KDR: variants seen among roughly 807,000 people sequenced by gnomAD.
KDR encodes the protein kinase insert domain receptor, also known as vascular endothelial growth factor receptor 2.
Under a neutral mutation model 160.9 loss-of-function variants are expected in KDR, and 43 were observed. That is an observed-to-expected ratio of 0.27 (90% CI 0.21 to 0.34). The LOEUF is 0.34. Among genes scored for constraint, KDR ranks in the 10% least tolerant of loss-of-function variants. The pLI is 1.00. For missense variants in KDR, 1,469 were observed against 1,666.4 expected (o/e 0.88, Z 2.06); for synonymous variants, 617 against 600.1 (o/e 1.03, Z -0.41).
In KDR at chr4:55,089,426, G is replaced by A. The variant is rs373654225; in HGVS notation, c.3352C>T (p.Arg1118Ter). ...CTCATTCTAGTTCCTTCTTTCAATCGCCTACAAAATTCTTCATCAATCTTT... is the reference window on the plus strand; with the variant it reads ...CTCATTCTAGTTCCTTCTTTCAATCACCTACAAAATTCTTCATCAATCTTT... ...GVKIDEEFCR[R>*]LKEGTRMRAP... Residue 1118 changes from arginine to a stop codon, truncating the protein, a stop_gained, in exon 25 of 30, where the codon CGA becomes TGA. Transcript: ENST00000263923. LOFTEE classifies it high-confidence loss of function. 3 of 1,612,850 alleles carry A rather than the reference G, an allele frequency of 1.9e-6. No homozygotes were observed. The highest frequency in any genetic ancestry group is 2.5e-6 in the Non-Finnish European group (3 of 1,179,228).
chr4:55,111,328 C>T (rs1179127197), intron 7 of KDR, among the ~76,000 whole-genome samples: 1 of 152,166 alleles, frequency 6.6e-6, no homozygotes, highest in African/African-American at 2.4e-5. Flanking sequence ...AACACTGTTT[C>T]CCTAAATCTC....
chr4:55,092,292 A>AT (rs1264244403), intron 22 of KDR: 5 of 367,716 alleles, frequency 1.4e-5, no homozygotes, highest in African/African-American at 4.2e-5. Context: ...TATATTGCTT[A>AT]TTGTTTGCTC....
Position 55,122,580 on chromosome 4 carries a change from A to G in KDR, c.68-1390T>C, listed in dbSNP as rs997093572. Among the ~76,000 whole-genome samples the G allele has an allele frequency of 3.6e-4, 55 of 152,248 alleles. 2 individuals carry two copies. Among genetic ancestry groups the G allele is most frequent in the Admixed American group, 6.5e-5 (1 of 15,292 alleles). ...ATATGAACAAATGCAGGCAAAATGA[A>G]TAAGTGACTGCACATGTTCTCACAC... On this transcript the variant is annotated intron_variant, in intron 1 of 29. Coordinates refer to ENST00000263923, the MANE Select transcript of KDR (RefSeq NM_002253.4).
chr4:55,080,534 A>C (rs1719707406), intron 29 of KDR, among the ~76,000 whole-genome samples: 1 of 152,208 alleles, frequency 6.6e-6, no homozygotes, highest in Admixed American at 6.5e-5. Context: ...ATATTCAAGG[A>C]AATTGGGATG....
Position 55,096,274 on chromosome 4 carries a change from G to T in KDR, c.2683C>A (p.His895Asn). The change falls in exon 19 of 30, where the codon CAT becomes AAT. Residue 895 changes from histidine to asparagine, a missense_variant. Around this residue, in one of 7 missense-constraint regions of KDR, gnomAD observed 151 missense variants for 207.2 expected, o/e 0.73. Transcript: ENST00000263923. ...CCTAGAAGGTTGACCACATTGAGATGGTGACCAATATGAATGAGGATCTTG... is the reference window on the plus strand; with the variant it reads ...CCTAGAAGGTTGACCACATTGAGATTGTGACCAATATGAATGAGGATCTTG... ...ELKILIHIGH[H>N]LNVVNLLGAC... 6.2e-7 allele frequency: 1 copy of T among 1,613,580 alleles called. No individual in the cohort carries two copies. Among genetic ancestry groups the T allele is most frequent in the Non-Finnish European group, 8.5e-7 (1 of 1,179,694 alleles).
chr4:55,079,962 T>G lies in KDR; in HGVS notation c.4050A>C (p.Thr1350=). 1 of 1,614,164 alleles carries G rather than the reference T, an allele frequency of 6.2e-7. No homozygotes were observed. The highest frequency in any genetic ancestry group is 2.2e-5 in the East Asian group (1 of 44,888). ...AQILQPDSGT[T]LSSPPV ...CCTTTTAAACAGGAGGAGAGCTCAG[T>G]GTGGTCCCCGAGTCAGGCTGGAGAA... Residue 1350 remains threonine, a synonymous_variant, in exon 30 of 30, where the codon ACA becomes ACC. Coordinates refer to ENST00000263923, the MANE Select transcript of KDR (RefSeq NM_002253.4).
intron 26 of KDR, among the ~76,000 whole-genome samples, chr4:55,088,364 T>C (rs111428586): frequency 2.1e-4 from 32 of 152,310 alleles, no homozygotes; most frequent in African/African-American, 7.5e-4. Context: ...AAGAGGAAAT[T>C]CACTTCCATT....
chr4:55,092,879 T>G (rs556755449), intron 21 of KDR, among the ~76,000 whole-genome samples, 165 bp from the exon 22 acceptor site: 1 of 152,208 alleles, frequency 6.6e-6, no homozygotes, highest in Admixed American at 6.5e-5. Flanking sequence ...TGAATCCCAG[T>G]ATCATTAGCC....
chr4:55,082,725 A>G, intron 27 of KDR, 90 bp from the exon 28 acceptor site: 1 of 899,852 alleles, frequency 1.1e-6, no homozygotes. Flanking sequence ...CCACAAACTT[A>G]ATAGCAACCT....
rs1203066670 is a variant in KDR at position 55,114,017 on chromosome 4, A to T, written c.798+109T>A. On this transcript the variant is annotated intron_variant, in intron 6 of 29. Coordinates refer to ENST00000263923, the MANE Select transcript of KDR (RefSeq NM_002253.4). ...AGTGGGTGTGTATGTGTGTGTGTTT[A>T]AGGCTCTTACATTTTATCTGGCCAA... 3.6e-6 allele frequency: 4 copies of T among 1,109,996 alleles called. No homozygotes were observed. The East Asian group carries it at 9.4e-5, about 26-fold the overall frequency. The allele number at this position is 1,109,996 out of a possible 1,614,324, so 68.8% of individuals were successfully genotyped here.
chr4:55,097,979 T>C (rs1443258809), intron 17 of KDR, among the ~76,000 whole-genome samples, 158 bp downstream of exon 17: 2 of 152,000 alleles, frequency 1.3e-5, no homozygotes, highest in African/African-American at 2.4e-5. Context: ...ACCCTACCTC[T>C]AAGTGGCTAT....
chr4:55,120,462 C>G (rs540033159), intron 2 of KDR, among the ~76,000 whole-genome samples: 92 of 152,194 alleles, frequency 6.0e-4, no homozygotes, highest in Non-Finnish European at 5.7e-4. Context: ...GTCTACTTCT[C>G]CAGTTATCAA....
intron 22 of KDR, among the ~76,000 whole-genome samples, chr4:55,091,253 G>A (rs1720005188): frequency 6.6e-6 from 1 of 152,152 alleles, no homozygotes; most frequent in Non-Finnish European, 1.5e-5. Context: ...TCTGAACAAG[G>A]CATATTCAGA....
rs145291918 is a variant in KDR, at chr4:55,081,989, A to C, written c.3815T>G (p.Leu1272Trp). Residue 1272 changes from leucine to tryptophan, a missense_variant, in exon 29 of 30, where the codon TTG becomes TGG. Physicochemically the swap from Leu to Trp is moderately conservative, Grantham distance 61 (BLOSUM62 -2). Transcript: ENST00000263923. ...MVLASEELKT[L>W]EDRTKLSPSF... ...TGGAGATAATTTGGTTCTGTCTTCC[A>C]AAGTTTTCAGCTCTTCTGAGGCAAG... is the stretch of plus-strand genomic sequence containing the variant. 1.2e-4 allele frequency: 196 copies of C among 1,613,832 alleles called. No individual in the cohort carries two copies. The highest frequency in any genetic ancestry group is 1.7e-4 in the Non-Finnish European group (196 of 1,179,820).
chr4:55,117,597 TG>T (rs1720766350), intron 3 of KDR, among the ~76,000 whole-genome samples: 2 of 152,196 alleles, frequency 1.3e-5, no homozygotes, highest in South Asian at 4.1e-4. Flanking sequence ...ACTACTGAAA[TG>T]TAAGCAGAGA....
chr4:55,089,379 T>G lies in KDR; in HGVS notation c.3399A>C (p.Pro1133=). 6.2e-7 allele frequency: 1 copy of G among 1,601,970 alleles called. No individual in the cohort carries two copies. The highest frequency in any genetic ancestry group is 8.6e-7 in the Non-Finnish European group (1 of 1,169,466). ...AATACTTCTTAAAGTCTTACATTTC[T>G]GGTGTAGTATAATCAGGGGCCCTCA... is the stretch of plus-strand genomic sequence containing the variant. ...TRMRAPDYTT[P]EMYQTMLDCW... is the part of the protein sequence containing the mutation. Residue 1133 remains proline (P), a synonymous_variant, in exon 25 of 30, where the codon CCA becomes CCC. Coordinates refer to ENST00000263923, the MANE Select transcript of KDR (RefSeq NM_002253.4).
At chr4:55,121,570 A>G (rs568021959) in intron 1 of KDR, among the ~76,000 whole-genome samples, 51 of 152,356 alleles carry the variant, frequency 3.3e-4, no homozygotes, top group African/African-American at 1.1e-3. Context: ...TAGGATGTAC[A>G]CATTTGACTA....
Position 55,104,701 on chromosome 4 carries a change from A to G in KDR, c.1929T>C (p.Leu643=). Residue 643 remains leucine (L), a synonymous_variant, in exon 13 of 30, where the codon CTT becomes CTC. Coordinates refer to ENST00000263923, the MANE Select transcript of KDR (RefSeq NM_002253.4). Reference sequence around the variant, plus strand: ...TTTTCTTGGTCTTCCTGTCTTGAGCAAGGCAGACATAGTCTCCTTGGTCCT... The same window carrying G: ...TTTTCTTGGTCTTCCTGTCTTGAGCGAGGCAGACATAGTCTCCTTGGTCCT... ...SLQDQGDYVC[L]AQDRKTKKRH... is the part of the protein sequence containing the mutation. The G allele has an allele frequency of 6.2e-7, 1 of 1,613,880 alleles. No homozygotes were observed. Among genetic ancestry groups the G allele is most frequent in the Non-Finnish European group, 8.5e-7 (1 of 1,179,864 alleles).
intron 29 of KDR, among the ~76,000 whole-genome samples, chr4:55,081,312 T>TAAAGGTA (rs1176577024): frequency 1.3e-5 from 2 of 152,154 alleles, no homozygotes; most frequent in African/African-American, 4.8e-5. Flanking sequence ...AAGAATACTC[T>TAAAGGTA]AGCAAATAAA....
Sources: gnomAD v4.1 joint callset for allele counts (sites outside exome capture counted in the v4.1 genomes callset) on GRCh38, gnomAD v4.1.1 for gene constraint, gnomAD v4.1.1 regional missense constraint, MANE v1.5 for transcripts, NCBI Gene and HGNC (gene_info 2026-07-23, HGNC 2026-07-21) for gene names.